Variants in NBAS observed in about 807,000 individuals in gnomAD.
NBAS encodes the protein NAG/BC035112 fusion.
Under a neutral mutation model 302.5 loss-of-function variants are expected in NBAS, and 219 were observed. The observed-to-expected ratio is 0.72, with a 90% CI of 0.65 to 0.81. The LOEUF (loss-of-function observed/expected upper bound fraction) is 0.81, where lower values mean the gene tolerates loss of function less well. Among genes scored for constraint, NBAS ranks in the 30% least tolerant of loss-of-function variants. NBAS has a pLI of 0.00. For missense variants in NBAS, 2,932 were observed against 2,841.6 expected, an observed-to-expected ratio of 1.03 and a Z score of -0.72; for synonymous variants, 1,118 against 1,021.6, an observed-to-expected ratio of 1.09 and a Z score of -1.80.
At chr2:15,414,240 T>C (rs1676815362) in intron 25 of NBAS, among the ~76,000 whole-genome samples, 1 of 152,210 alleles carries the variant, frequency 6.6e-6, no homozygotes, top group African/African-American at 2.4e-5. Context: ...TAAGCAATGT[T>C]TTCCTTTCTA....
chr2:15,438,307 G>A (rs1304269001), intron 21 of NBAS, among the ~76,000 whole-genome samples: 1 of 152,034 alleles, frequency 6.6e-6, no homozygotes, highest in Non-Finnish European at 1.5e-5. Flanking sequence ...ATATGTTATG[G>A]GAAAAGACAG....
the NBAS span, among the ~76,000 whole-genome samples, chr2:15,139,377 G>T: frequency 6.6e-6 from 1 of 152,264 alleles, no homozygotes; most frequent in South Asian, 2.1e-4. Context: ...TGTCTTCCAG[G>T]AAGCTTGGAG....
the NBAS span, among the ~76,000 whole-genome samples, chr2:14,780,380 C>T: frequency 6.6e-6 from 1 of 152,230 alleles, no homozygotes; most frequent in Non-Finnish European, 1.5e-5. Context: ...GAAGTTGATA[C>T]TCTGCATTCC....
At chr2:15,009,603 T>TAC in the NBAS span, among the ~76,000 whole-genome samples, 8,644 of 130,690 alleles carry the variant, frequency 0.066, 327 homozygotes, top group East Asian at 0.15. Context: ...TGCAACATCA[T>TAC]ACACACACAC....
At chr2:14,865,019 T>G in the NBAS span, among the ~76,000 whole-genome samples, 1 of 151,732 alleles carries the variant, frequency 6.6e-6, no homozygotes, top group Non-Finnish European at 1.5e-5. Flanking sequence ...GCTTTTGTCT[T>G]TATTATTAGC....
chr2:15,275,788 T>G lies in NBAS; in HGVS notation c.5420A>C (p.Asn1807Thr), dbSNP rs1316796028. 1 of 1,613,904 alleles carries G rather than the reference T, an allele frequency of 6.2e-7. No homozygotes were observed. The highest frequency in any genetic ancestry group is 1.1e-5 in the South Asian group (1 of 91,082). Residue 1807 changes from asparagine (N) to threonine (T), a missense_variant, in exon 44 of 52, where the codon AAC (asparagine) becomes ACC (threonine). Asn to Thr is a moderately conservative substitution (Grantham distance 65). Coordinates refer to ENST00000281513, the MANE Select transcript of NBAS (RefSeq NM_015909.4). ...GLNYKKLTDE[N>T]MSPLEALEPV... ...CTCCAATGCTTCAAGAGGACTCATG[T>G]TTTCATCTGTCAGCTTTTTGTAATT...
the NBAS span, among the ~76,000 whole-genome samples, chr2:15,038,080 A>AAT: frequency 0.021 from 3,001 of 140,626 alleles, 113 homozygotes; most frequent in East Asian, 0.1. Flanking sequence ...ATAATTATAT[A>AAT]ATATATATAT....
At chr2:15,482,128 C>T (rs1243161307) in intron 12 of NBAS, among the ~76,000 whole-genome samples, 2 of 152,068 alleles carry the variant, frequency 1.3e-5, no homozygotes, top group Non-Finnish European at 2.9e-5. Context: ...TTCCCTGGGT[C>T]TTTATTTCTT....
the NBAS span, among the ~76,000 whole-genome samples, chr2:14,967,778 G>GA: frequency 5.9e-5 from 9 of 152,030 alleles, no homozygotes; most frequent in Non-Finnish European, 1.2e-4. Flanking sequence ...CCACAGAATG[G>GA]AAAAAAATAT....
rs146006396 is a variant in NBAS, at chr2:15,465,784, A to G, written c.2097+1545T>C. On this transcript the variant is annotated intron_variant, in intron 19 of 51. Transcript: ENST00000281513. ...TATAATAATAAATATACTTACTACT[A>G]TCATATAGGGAATAGCAATTTAAAA... is the stretch of plus-strand genomic sequence containing the variant. 6.0e-3 allele frequency among the ~76,000 whole-genome samples: 919 copies of G among 152,286 alleles called. 10 individuals carry two copies. The highest frequency in any genetic ancestry group is 0.02 in the African/African-American group (831 of 41,560).
intron 9 of NBAS, among the ~76,000 whole-genome samples, chr2:15,525,450 G>A (rs1162979045): frequency 6.6e-6 from 1 of 152,206 alleles, no homozygotes; most frequent in Admixed American, 6.5e-5. Flanking sequence ...AGAATTCAGG[G>A]TTCCTGTCTC....
At chr2:14,844,784 T>C in the NBAS span, among the ~76,000 whole-genome samples, 5 of 151,982 alleles carry the variant, frequency 3.3e-5, no homozygotes, top group African/African-American at 7.3e-5. Context: ...TGAAAGCCTG[T>C]GGTAATGGGG....
chr2:14,993,376 A>G, the NBAS span, among the ~76,000 whole-genome samples: 2 of 152,110 alleles, frequency 1.3e-5, no homozygotes, highest in African/African-American at 4.8e-5. Flanking sequence ...GGGACAGAGG[A>G]GCAAAACCTG....
intron 9 of NBAS, among the ~76,000 whole-genome samples, chr2:15,521,558 T>C (rs181789583): frequency 2.0e-5 from 3 of 152,168 alleles, no homozygotes; most frequent in Admixed American, 2.0e-4. Context: ...TACATTCTAG[T>C]GTATTAGTAT....
At chr2:15,319,105 C>T (rs190890243) in intron 38 of NBAS, among the ~76,000 whole-genome samples, 1 of 152,136 alleles carries the variant, frequency 6.6e-6, no homozygotes, top group East Asian at 1.9e-4. Flanking sequence ...CACTCAAAAC[C>T]ACACAACAAC....
intron 44 of NBAS, among the ~76,000 whole-genome samples, chr2:15,244,362 C>G (rs1667994822): frequency 6.6e-6 from 1 of 152,000 alleles, no homozygotes; most frequent in Admixed American, 6.5e-5. Flanking sequence ...GGAGGTCTTC[C>G]CTGGAGGGAA....
intron 19 of NBAS, among the ~76,000 whole-genome samples, chr2:15,464,106 A>C (rs1186709167): frequency 6.6e-6 from 1 of 152,120 alleles, no homozygotes; most frequent in African/African-American, 2.4e-5. Context: ...TACTTCTTTG[A>C]CTGACTGAAG....
intron 42 of NBAS, among the ~76,000 whole-genome samples, chr2:15,277,624 TAA>T (rs1669644983): frequency 6.6e-6 from 1 of 152,134 alleles, no homozygotes; most frequent in South Asian, 2.1e-4. Context: ...TGTGTCCAGA[TAA>T]AAGAAAAATA....
At chr2:15,559,786 G>A (rs1161330990) in intron 1 of NBAS, among the ~76,000 whole-genome samples, 1 of 152,138 alleles carries the variant, frequency 6.6e-6, no homozygotes, top group Non-Finnish European at 1.5e-5. Context: ...TAATTCTGTG[G>A]TTACTTTTTT....
Sources: gnomAD v4.1 joint callset for allele counts (sites outside exome capture counted in the v4.1 genomes callset) on GRCh38, gnomAD v4.1.1 for gene constraint, MANE v1.5 for transcripts, NCBI Gene and HGNC (gene_info 2026-07-23, HGNC 2026-07-21) for gene names.